The following LBHD1 variants were observed in gnomAD, a reference collection of about 807,000 sequenced individuals.
LBHD1 encodes LBH domain containing 1.
A neutral mutation model predicts 31.1 loss-of-function variants in LBHD1; 28 were observed. That is an observed-to-expected ratio of 0.90 (90% CI 0.67 to 1.24). The LOEUF (loss-of-function observed/expected upper bound fraction) is 1.24, where lower values mean the gene tolerates loss of function less well. LBHD1 is among the 50% of genes most tolerant of loss of function. The pLI, the probability that LBHD1 is intolerant of heterozygous loss-of-function variation, is 0.00. For synonymous variants in LBHD1, 105 were observed against 116.5 expected (o/e 0.90, Z 0.63); for missense variants, 350 against 323.0 (o/e 1.08, Z -0.64).
chr11:62,666,216 G>C (rs1331199445), intron 4 of LBHD1: 2 of 752,396 alleles, frequency 2.7e-6, no homozygotes, highest in Non-Finnish European at 4.4e-6. Flanking sequence ...GGCGCCTATA[G>C]TCCTAGCTAC....
chr11:62,664,320 G>A (rs1944732410), intron 5 of LBHD1, among the ~76,000 whole-genome samples: 1 of 140,220 alleles, frequency 7.1e-6, no homozygotes, highest in Non-Finnish European at 1.5e-5. Context: ...CAGATTTCCT[G>A]ATATTCTTTT....
intron 4 of LBHD1, chr11:62,666,260 T>G: frequency 2.2e-6 from 2 of 897,286 alleles, no homozygotes; most frequent in Non-Finnish European, 3.5e-6. Flanking sequence ...CAGTGAGCCA[T>G]CATTGTGCTA....
intron 1 of LBHD1, chr11:62,671,336 G>A (rs757287808): frequency 5.5e-4 from 583 of 1,069,542 alleles, no homozygotes; most frequent in Non-Finnish European, 7.0e-4. Context: ...TCCATGCGCT[G>A]TGTTGAAAAC....
intron 1 of LBHD1, chr11:62,671,336 G>C (rs757287808): frequency 9.3e-7 from 1 of 1,069,544 alleles, no homozygotes; most frequent in East Asian, 5.8e-5. Context: ...TCCATGCGCT[G>C]TGTTGAAAAC....
At chr11:62,666,047 A>T in intron 4 of LBHD1, 1 of 1,333,476 alleles carries the variant, frequency 7.5e-7, no homozygotes, top group Non-Finnish European at 1.0e-6. Context: ...TGAAATTGTG[A>T]TTCTCAAACC....
intron 4 of LBHD1, chr11:62,667,126 C>T: frequency 1.4e-6 from 2 of 1,433,478 alleles, no homozygotes; most frequent in Non-Finnish European, 1.9e-6. Context: ...TGCAAGCTAT[C>T]TGGCTGCAAA....
Position 62,671,990 on chromosome 11 carries a change from C to T in LBHD1, c.-437G>A. 6.2e-7 allele frequency: 1 copy of T among 1,613,918 alleles called. No homozygotes were observed. Among genetic ancestry groups the T allele is most frequent in the Non-Finnish European group, 8.5e-7 (1 of 1,180,010 alleles). ...CAGGACCCAAGGAGCAGGGAGGAGG[C>T]GGCCAGGACCCAGCAGCTATTGCTG... is the stretch of plus-strand genomic sequence containing the variant. On this transcript the variant is annotated 5_prime_UTR_variant, in exon 1 of 7. Transcript: ENST00000354588.
intron 5 of LBHD1, among the ~76,000 whole-genome samples, chr11:62,664,117 GTAAT>G (rs1944727990): frequency 7.0e-6 from 1 of 143,376 alleles, no homozygotes; most frequent in Non-Finnish European, 1.5e-5. Flanking sequence ...GACACAGAAA[GTAAT>G]TAATGGGATG....
chr11:62,665,134 T>G, intron 4 of LBHD1, 161 bp from the exon 5 acceptor site: 1 of 1,076,678 alleles, frequency 9.3e-7, no homozygotes, highest in Non-Finnish European at 1.4e-6. Context: ...CAGTCACCGT[T>G]CGGGGCCGGT....
rs1255993079 is a variant in LBHD1, at chr11:62,664,832, G to C, written c.663+17C>G. 6.4e-7 allele frequency: 1 copy of C among 1,557,676 alleles called. No homozygotes were observed. The highest frequency in any genetic ancestry group is 8.7e-7 in the Non-Finnish European group (1 of 1,150,752). On this transcript the variant is annotated intron_variant, in intron 5 of 6. Coordinates refer to ENST00000354588, the MANE Select transcript of LBHD1 (RefSeq NM_024099.5). ...ACTCGGTGGGGACGACCAACAGGAA[G>C]AGGGTCTAGTACTTACGCCCGCTTC...
chr11:62,665,360 A>C lies in LBHD1; in HGVS notation c.539-387T>G, dbSNP rs1371699587. On this transcript the variant is annotated intron_variant, in intron 4 of 6. Coordinates refer to ENST00000354588, the MANE Select transcript of LBHD1 (RefSeq NM_024099.5). ...AAGTGTGGTTTTAGCTGTAGTAGCCAGATTGGGCGGCCGGGAGTGGTGGGG... is the reference window on the plus strand; with the variant it reads ...AAGTGTGGTTTTAGCTGTAGTAGCCCGATTGGGCGGCCGGGAGTGGTGGGG... 4.5e-6 allele frequency: 4 copies of C among 898,058 alleles called. No individual in the cohort carries two copies. The Admixed American group carries it at 6.7e-5, about 15-fold the overall frequency. 55.6% of individuals were successfully genotyped at this position (898,058 alleles called of 1,614,324 possible).
At chr11:62,666,994 G>A in intron 4 of LBHD1, 2 of 1,613,502 alleles carry the variant, frequency 1.2e-6, no homozygotes, top group African/African-American at 1.3e-5. Context: ...CTGTGCAGGA[G>A]CTAGGCCCGT....
chr11:62,665,835 A>G (rs754078168), intron 4 of LBHD1: 1 of 1,603,314 alleles, frequency 6.2e-7, no homozygotes, highest in Non-Finnish European at 8.5e-7. Context: ...AGTAGGGTGG[A>G]CGCTTCACAT....
chr11:62,663,445 G>C (rs888412385), intron 5 of LBHD1, 112 bp from the exon 6 acceptor site: 6 of 1,115,668 alleles, frequency 5.4e-6, no homozygotes, highest in Admixed American at 2.7e-5. Flanking sequence ...AGTGGCTCAC[G>C]CCTGTAATCC....
At chr11:62,667,865 C>T in intron 3 of LBHD1, 118 bp from the exon 4 acceptor site, 1 of 713,856 alleles carries the variant, frequency 1.4e-6, no homozygotes, top group Non-Finnish European at 2.4e-6. Flanking sequence ...CCAAGGTGGG[C>T]AGATTGCTTG....
chr11:62,665,448 T>C, intron 4 of LBHD1: 1 of 1,558,886 alleles, frequency 6.4e-7, no homozygotes. Context: ...GGGATCGGGC[T>C]TGTGGTGCCG....
At chr11:62,666,622 A>G (rs932466674) in intron 4 of LBHD1, 1 of 1,613,998 alleles carries the variant, frequency 6.2e-7, no homozygotes, top group Admixed American at 1.7e-5. Flanking sequence ...CCAAATCTCC[A>G]CACCCAGTGG....
chr11:62,669,786 G>T lies in LBHD1; in HGVS notation c.168C>A (p.Ser56=), dbSNP rs1389152384. ...ATTCCACCACAATAGACGGCAGATG[G>T]GACTTTTGAGAGAAATCCTGAATAG... is the stretch of plus-strand genomic sequence containing the variant. ...HQHIQDFSQK[S]HLPSIVVESS... The change falls in exon 3 of 7, where the codon TCC becomes TCA. Residue 56 remains serine (S), a synonymous_variant. Coordinates refer to ENST00000354588, the MANE Select transcript of LBHD1 (RefSeq NM_024099.5). 1.2e-6 allele frequency: 2 copies of T among 1,614,190 alleles called. No homozygotes were observed. The highest frequency in any genetic ancestry group is 8.5e-7 in the Non-Finnish European group (1 of 1,180,032).
At chr11:62,668,527 C>T (rs895303153) in intron 3 of LBHD1, 23 of 148,308 alleles carry the variant, frequency 1.6e-4, no homozygotes, top group African/African-American at 5.5e-4. Context: ...AGTACACAGA[C>T]GGGGCCGGGC....
Sources: allele counts gnomAD v4.1 joint callset (sites outside exome capture counted in the v4.1 genomes callset), GRCh38; gene constraint gnomAD v4.1.1; transcripts MANE v1.5; gene names NCBI Gene and HGNC (gene_info 2026-07-23, HGNC 2026-07-21).